CSPP1: variants seen among roughly 807,000 people sequenced by gnomAD.
CSPP1 encodes the protein centrosome and spindle pole associated protein 1.
A neutral mutation model predicts 164.4 loss-of-function variants in CSPP1; 126 were observed. That is an observed-to-expected ratio of 0.77 (90% CI 0.66 to 0.89). CSPP1 has a LOEUF of 0.89. CSPP1 is among the 40% of genes least tolerant of loss of function. CSPP1 has a pLI of 0.00. For synonymous variants in CSPP1, 472 were observed against 476.7 expected (o/e 0.99, Z 0.13); for missense variants, 1,395 against 1,449.8 (o/e 0.96, Z 0.61).
chr8:67,142,215 C>T (rs991858130), intron 17 of CSPP1, among the ~76,000 whole-genome samples: 1 of 152,040 alleles, frequency 6.6e-6, no homozygotes, highest in Non-Finnish European at 1.5e-5. Context: ...TTATTTGAAA[C>T]TTTACATGAA....
chr8:67,132,133 G>A, intron 16 of CSPP1, 53 bp downstream of exon 16: 2 of 1,534,372 alleles, frequency 1.3e-6, no homozygotes, highest in South Asian at 1.3e-5. Context: ...TAAGCATGGT[G>A]GTCCCTTAGA....
At chr8:67,122,190 A>ATT (rs58782272) in intron 15 of CSPP1, among the ~76,000 whole-genome samples, 55 of 143,008 alleles carry the variant, frequency 3.8e-4, no homozygotes, top group African/African-American at 1.2e-3. Flanking sequence ...GGTTTGGTTG[A>ATT]TTTTTTTTTT....
chr8:67,177,474 T>C (rs577377582), intron 26 of CSPP1, among the ~76,000 whole-genome samples: 87 of 152,248 alleles, frequency 5.7e-4, no homozygotes, highest in Non-Finnish European at 1.0e-3. Context: ...GTTATGTTCA[T>C]TCATGTGAAT....
intron 7 of CSPP1, among the ~76,000 whole-genome samples, chr8:67,101,331 T>C (rs1393359592): frequency 6.6e-6 from 1 of 152,226 alleles, no homozygotes; most frequent in Non-Finnish European, 1.5e-5. Flanking sequence ...CCAGTGGTTG[T>C]AACTCTCCCA....
At chr8:67,079,813 T>A (rs1262460827) in intron 3 of CSPP1, among the ~76,000 whole-genome samples, 1 of 152,244 alleles carries the variant, frequency 6.6e-6, no homozygotes, top group African/African-American at 2.4e-5. Context: ...CACAATGACA[T>A]GCCAACTTGC....
At chr8:67,172,378 C>T (rs1386776582) in intron 24 of CSPP1, 38 bp from the exon 25 acceptor site, 2 of 1,553,558 alleles carry the variant, frequency 1.3e-6, no homozygotes, top group Non-Finnish European at 1.8e-6. Flanking sequence ...CCTATTTTTC[C>T]TGTGAAGCAC....
chr8:67,117,535 G>A (rs941984802), intron 13 of CSPP1, among the ~76,000 whole-genome samples: 3 of 152,158 alleles, frequency 2.0e-5, no homozygotes, highest in Non-Finnish European at 2.9e-5. Context: ...CTAATGTAGA[G>A]GTTTTTAGAA....
At chr8:67,098,050 CAA>C (rs200094346) in intron 7 of CSPP1, among the ~76,000 whole-genome samples, 25 of 119,980 alleles carry the variant, frequency 2.1e-4, no homozygotes, top group Non-Finnish European at 2.2e-4. Context: ...TTATTTCCAG[CAA>C]AAAAAAAAAA....
chr8:67,140,443 C>T (rs1300660405), intron 17 of CSPP1, among the ~76,000 whole-genome samples: 8 of 152,110 alleles, frequency 5.3e-5, no homozygotes, highest in Non-Finnish European at 1.0e-4. Flanking sequence ...TTCCTATCTT[C>T]ACCTCATGAA....
At chr8:67,106,210 A>T (rs1373158222) in intron 9 of CSPP1, among the ~76,000 whole-genome samples, 1 of 152,098 alleles carries the variant, frequency 6.6e-6, no homozygotes, top group Admixed American at 6.6e-5. Flanking sequence ...GATGTTCATG[A>T]ACACATCTAT....
At chr8:67,179,965 T>A (rs1195245420) in intron 28 of CSPP1, 39 bp downstream of exon 28, 1 of 1,160,720 alleles carries the variant, frequency 8.6e-7, no homozygotes. Context: ...ATTGTTTAAA[T>A]ATTAAACCTT....
chr8:67,098,476 C>G (rs1813310230), intron 7 of CSPP1, among the ~76,000 whole-genome samples: 1 of 151,640 alleles, frequency 6.6e-6, no homozygotes, highest in South Asian at 2.1e-4. Context: ...AAACTTTTCT[C>G]AGAAAATGAT....
At chr8:67,176,369 T>C (rs1321216216) in intron 26 of CSPP1, among the ~76,000 whole-genome samples, 1 of 152,108 alleles carries the variant, frequency 6.6e-6, no homozygotes, top group Non-Finnish European at 1.5e-5. Flanking sequence ...CTTCATGAGA[T>C]AGCATCACAG....
At position 67,160,023 on chromosome 8, in the gene CSPP1, T is replaced by TTTCTTTTCTTTTC. The variant is rs1313978578; in HGVS notation, c.2538+898_2538+899insCTTCTTTTCTTTT. On this transcript the variant is annotated intron_variant, in intron 21 of 30. Coordinates refer to ENST00000678616, the MANE Select transcript of CSPP1 (RefSeq NM_001382391.1). ...TTTCTTTTCTTTTCTTTTCTTTTCT[T>TTTCTTTTCTTTTC]TTCTTTTCTTTTTCTTTTTCTTTTT... 3.9e-5 allele frequency among the ~76,000 whole-genome samples: 4 copies of TTTCTTTTCTTTTC among 102,764 alleles called. 1 individual carries two copies. The highest frequency in any genetic ancestry group is 6.9e-5 in the Non-Finnish European group (4 of 57,970). The allele number at this position is 102,764 out of a possible 152,430, so 67.4% of individuals were successfully genotyped here.
At chr8:67,112,358 A>T (rs967916996) in intron 10 of CSPP1, among the ~76,000 whole-genome samples, 14 of 151,712 alleles carry the variant, frequency 9.2e-5, no homozygotes, top group African/African-American at 3.4e-4. Flanking sequence ...AATGTTATAG[A>T]TATGCCCATT....
At chr8:67,119,864 T>A (rs988952558) in intron 15 of CSPP1, among the ~76,000 whole-genome samples, 16 of 152,206 alleles carry the variant, frequency 1.1e-4, no homozygotes, top group Non-Finnish European at 2.4e-4. Context: ...TGCACAAAAT[T>A]CTTAAATTTT....
intron 24 of CSPP1, among the ~76,000 whole-genome samples, chr8:67,165,005 T>C (rs555160113): frequency 1.5e-4 from 23 of 152,224 alleles, no homozygotes; most frequent in Non-Finnish European, 3.2e-4. Context: ...AGTTGCAGGC[T>C]GGGTGCAGTT....
intron 8 of CSPP1, among the ~76,000 whole-genome samples, chr8:67,103,772 G>A (rs1425032617): frequency 4.0e-5 from 6 of 150,384 alleles, no homozygotes; most frequent in South Asian, 2.1e-4. Flanking sequence ...CCCAGGAGGC[G>A]GAGCTTGCAG....
At chr8:67,151,419 T>G (rs1026499180) in intron 18 of CSPP1, among the ~76,000 whole-genome samples, 1 of 152,240 alleles carries the variant, frequency 6.6e-6, no homozygotes, top group Non-Finnish European at 1.5e-5. Flanking sequence ...TAGTCTGTAT[T>G]GAGATCTCAT....
Sources: allele counts gnomAD v4.1 joint callset (sites outside exome capture counted in the v4.1 genomes callset), GRCh38; gene constraint gnomAD v4.1.1; transcripts MANE v1.5; gene names NCBI Gene and HGNC (gene_info 2026-07-23, HGNC 2026-07-21).